LRP1B: variants seen among roughly 807,000 people sequenced by gnomAD.
LRP1B encodes low-density lipoprotein receptor-related protein 1B.
A neutral mutation model predicts 556.6 loss-of-function variants in LRP1B; 217 were observed. The observed-to-expected ratio is 0.39, with a 90% CI of 0.35 to 0.44. The LOEUF (loss-of-function observed/expected upper bound fraction) is 0.44. Ranked by LOEUF, LRP1B falls within the 20% of genes least tolerant of loss-of-function variation. The probability of loss-of-function intolerance (pLI) is 1.00; values close to 1 mark genes in which losing one functional copy is unlikely to be tolerated. For synonymous variants in LRP1B, 2,047 were observed against 1,865.8 expected (o/e 1.10, Z -2.50); for missense variants, 5,053 against 5,620.8 (o/e 0.90, Z 3.23).
intron 1 of LRP1B, among the ~76,000 whole-genome samples, chr2:142,056,142 C>T (rs1704661879): frequency 6.6e-6 from 1 of 152,026 alleles, no homozygotes; most frequent in Non-Finnish European, 1.5e-5. Context: ...CAGAGTGAGA[C>T]TCTGTCTCAG....
intron 2 of LRP1B, among the ~76,000 whole-genome samples, chr2:141,686,380 G>C (rs1405061808): frequency 1.3e-5 from 2 of 151,992 alleles, no homozygotes; most frequent in East Asian, 3.9e-4. Context: ...GATTAGACAT[G>C]TTGAAGACTA....
intron 11 of LRP1B, among the ~76,000 whole-genome samples, chr2:141,048,286 G>C (rs1353265278): frequency 1.3e-5 from 2 of 151,950 alleles, no homozygotes; most frequent in Non-Finnish European, 2.9e-5. Flanking sequence ...TGAAGATCTG[G>C]TTTGATTTAT....
At chr2:141,891,768 C>T (rs1277886041) in intron 1 of LRP1B, among the ~76,000 whole-genome samples, 1 of 152,018 alleles carries the variant, frequency 6.6e-6, no homozygotes, top group Non-Finnish European at 1.5e-5. Context: ...TATACATCTG[C>T]TATTCCTTCA....
chr2:140,925,575 T>G (rs1031665554), intron 20 of LRP1B, among the ~76,000 whole-genome samples: 2 of 152,170 alleles, frequency 1.3e-5, no homozygotes, highest in African/African-American at 2.4e-5. Context: ...TTCAGGTAAT[T>G]GTCAGAGATT....
chr2:140,363,569 C>T (rs1682615658), intron 72 of LRP1B, among the ~76,000 whole-genome samples: 1 of 151,346 alleles, frequency 6.6e-6, no homozygotes, highest in Admixed American at 6.6e-5. Context: ...CAATCTAATC[C>T]CTGGTGATTA....
At position 141,551,554 on chromosome 2, in the gene LRP1B, G is replaced by A. The variant is rs148153934; in HGVS notation, c.206-71021C>T. On this transcript the variant is annotated intron_variant, in intron 2 of 90. Transcript: ENST00000389484. ...TCAGCAAAATTAAAACTTACTGGTC[G>A]AACAATTTTGGCAAAATGACAAAGC... Among the ~76,000 whole-genome samples the A allele has an allele frequency of 1.1e-4, 17 of 151,974 alleles. 1 individual carries two copies. The South Asian group carries it at 1.2e-3, about 11-fold the overall frequency.
chr2:140,291,441 C>T (rs1056245507), intron 84 of LRP1B, among the ~76,000 whole-genome samples: 2 of 151,144 alleles, frequency 1.3e-5, no homozygotes, highest in African/African-American at 4.9e-5. Context: ...GGTATATCTC[C>T]TAATGCTATC....
chr2:141,030,300 T>C (rs561761029), intron 11 of LRP1B, among the ~76,000 whole-genome samples: 33 of 152,222 alleles, frequency 2.2e-4, no homozygotes, highest in African/African-American at 3.1e-4. Flanking sequence ...ATAGTTACAC[T>C]GACAAACATT....
At chr2:141,776,114 G>A (rs1434342108) in intron 2 of LRP1B, among the ~76,000 whole-genome samples, 1 of 152,054 alleles carries the variant, frequency 6.6e-6, no homozygotes, top group Admixed American at 6.6e-5. Flanking sequence ...CCAAAGTGCT[G>A]GGATTACAGG....
intron 2 of LRP1B, among the ~76,000 whole-genome samples, chr2:141,620,912 C>A (rs993258884): frequency 1.1e-4 from 16 of 149,994 alleles, no homozygotes; most frequent in Non-Finnish European, 1.8e-4. Flanking sequence ...ACTGAATTTT[C>A]TTCCAAAAAG....
chr2:141,648,096 A>G (rs1689647178), intron 2 of LRP1B, among the ~76,000 whole-genome samples: 1 of 152,106 alleles, frequency 6.6e-6, no homozygotes, highest in African/African-American at 2.4e-5. Flanking sequence ...GATTCAGGAA[A>G]AAAAAAATTG....
At chr2:141,307,880 G>T (rs1686658181) in intron 3 of LRP1B, among the ~76,000 whole-genome samples, 1 of 152,158 alleles carries the variant, frequency 6.6e-6, no homozygotes, top group Admixed American at 6.6e-5. Flanking sequence ...TGGACAGCAG[G>T]TGTGGCACGG....
intron 21 of LRP1B, among the ~76,000 whole-genome samples, chr2:140,922,232 ATAAGACATTCTAT>A (rs766197905): frequency 2.0e-5 from 3 of 152,008 alleles, no homozygotes; most frequent in Non-Finnish European, 2.9e-5. Context: ...ATAGTAGAAT[ATAAGACATTCTAT>A]TACTATAACT....
intron 35 of LRP1B, among the ~76,000 whole-genome samples, chr2:140,730,096 T>A (rs145045756): frequency 6.6e-6 from 1 of 152,344 alleles, no homozygotes; most frequent in East Asian, 1.9e-4. Context: ...CTATGTGTTT[T>A]AACTCTTTTA....
intron 1 of LRP1B, among the ~76,000 whole-genome samples, chr2:141,978,187 C>G (rs1241851137): frequency 1.3e-5 from 2 of 152,034 alleles, no homozygotes; most frequent in African/African-American, 2.4e-5. Context: ...CTCCTTATCT[C>G]TCTTCTAAAA....
At chr2:141,871,570 A>G (rs1201017112) in intron 1 of LRP1B, among the ~76,000 whole-genome samples, 1 of 152,046 alleles carries the variant, frequency 6.6e-6, no homozygotes, top group African/African-American at 2.4e-5. Context: ...AATTATACCT[A>G]TCAAAAGGCT....
rs1291652707 is a variant in LRP1B, at chr2:140,406,980, G to C, written c.10415-20971C>G. ...ATGATTACCAAAACAGCATGGTGCT[G>C]GTATAAAATCGGCACGTAGGCCAGT... On this transcript the variant is annotated intron_variant, in intron 66 of 90. Coordinates refer to ENST00000389484, the MANE Select transcript of LRP1B (RefSeq NM_018557.3). Among the ~76,000 whole-genome samples the C allele has an allele frequency of 2.6e-5, 4 of 152,050 alleles. No individual in the cohort carries two copies. The East Asian group carries it at 7.7e-4, about 29-fold the overall frequency.
intron 37 of LRP1B, among the ~76,000 whole-genome samples, chr2:140,707,746 G>T (rs888153576): frequency 6.6e-6 from 1 of 151,676 alleles, no homozygotes; most frequent in African/African-American, 2.4e-5. Context: ...CTTCATTTAC[G>T]TACAGTTTTG....
At chr2:141,093,727 AT>A (rs1274220193) in intron 7 of LRP1B, among the ~76,000 whole-genome samples, 3 of 151,082 alleles carry the variant, frequency 2.0e-5, no homozygotes, top group Non-Finnish European at 1.5e-5. Flanking sequence ...AAAAACAACA[AT>A]TTTTTTTTGA....
Sources: allele counts gnomAD v4.1 joint callset (sites outside exome capture counted in the v4.1 genomes callset), GRCh38; gene constraint gnomAD v4.1.1; transcripts MANE v1.5; gene names NCBI Gene and HGNC (gene_info 2026-07-23, HGNC 2026-07-21).